NAV2: variants seen among roughly 807,000 people sequenced by gnomAD.
NAV2 encodes helicase, APC down-regulated 1.
Under a neutral mutation model 223.2 loss-of-function variants are expected in NAV2, and 54 were observed. The ratio of observed to expected loss-of-function variants is 0.24; its 90% CI spans 0.19 to 0.30. The LOEUF (loss-of-function observed/expected upper bound fraction) is 0.30, where lower values mean the gene tolerates loss of function less well. Among genes scored for constraint, NAV2 ranks in the 10% least tolerant of loss-of-function variants. The pLI is 1.00. For missense variants in NAV2, 2,806 were observed against 3,147.5 expected (o/e 0.89, Z 2.60); for synonymous variants, 1,279 against 1,239.3 (o/e 1.03, Z -0.67).
At chr11:19,793,492 A>G (rs532369078) in intron 1 of NAV2, among the ~76,000 whole-genome samples, 1 of 152,308 alleles carries the variant, frequency 6.6e-6, no homozygotes, top group South Asian at 2.1e-4. Context: ...CATGCCCAGC[A>G]CTAGCACTCT....
chr11:19,956,382 AC>A (rs1023168489), intron 10 of NAV2, among the ~76,000 whole-genome samples: 2 of 136,334 alleles, frequency 1.5e-5, no homozygotes, highest in Admixed American at 7.2e-5. Flanking sequence ...ACACACACAC[AC>A]ACACACACAC....
intron 1 of NAV2, among the ~76,000 whole-genome samples, chr11:19,773,353 G>T (rs906363528): frequency 1.3e-5 from 2 of 152,140 alleles, no homozygotes; most frequent in Admixed American, 1.3e-4. Context: ...CCCCACCAGG[G>T]GCTCCACAGT....
intron 32 of NAV2, among the ~76,000 whole-genome samples, chr11:20,102,373 G>A (rs920830566): frequency 1.7e-4 from 26 of 152,182 alleles, no homozygotes; most frequent in African/African-American, 6.0e-4. Flanking sequence ...AGACAGGCCA[G>A]TGTGGTGAAG....
intron 11 of NAV2, among the ~76,000 whole-genome samples, chr11:20,031,580 G>C (rs942993645): frequency 6.6e-6 from 1 of 152,186 alleles, no homozygotes; most frequent in Non-Finnish European, 1.5e-5. Flanking sequence ...CTGGCTTTCA[G>C]TATGGCTGGA....
At chr11:19,941,236 C>A (rs1422511742) in intron 8 of NAV2, among the ~76,000 whole-genome samples, 1 of 152,064 alleles carries the variant, frequency 6.6e-6, no homozygotes, top group Non-Finnish European at 1.5e-5. Flanking sequence ...CTGTACCAGG[C>A]CTTAAGAGCT....
intron 11 of NAV2, among the ~76,000 whole-genome samples, chr11:20,011,202 G>A (rs2053538101): frequency 6.6e-6 from 1 of 152,104 alleles, no homozygotes; most frequent in African/African-American, 2.4e-5. Flanking sequence ...GAGTTTTGGT[G>A]AGGTTTCTGT....
Position 19,418,506 on chromosome 11 carries a change from G to A in NAV2, c.75+67479G>A, listed in dbSNP as rs147066195. 6.6e-3 allele frequency among the ~76,000 whole-genome samples: 1,011 copies of A among 152,300 alleles called. 9 individuals are homozygous for A. The highest frequency in any genetic ancestry group is 8.5e-3 in the Non-Finnish European group (577 of 68,022). On this transcript the variant is annotated intron_variant, in intron 1 of 37. Transcript: ENST00000360655. Reference sequence around the variant, plus strand: ...TCTTATTCAAGGATGAACAGAATTTGGGAGATGAAGGACAGGGAAAAGGCA... The same window carrying A: ...TCTTATTCAAGGATGAACAGAATTTAGGAGATGAAGGACAGGGAAAAGGCA...
intron 11 of NAV2, among the ~76,000 whole-genome samples, chr11:20,015,709 A>G (rs2053946602): frequency 6.6e-6 from 1 of 152,208 alleles, no homozygotes; most frequent in Admixed American, 6.5e-5. Context: ...CCTGGCACAC[A>G]AAAGTCAATA....
intron 1 of NAV2, among the ~76,000 whole-genome samples, chr11:19,657,288 G>A (rs2048153674): frequency 6.6e-6 from 1 of 152,020 alleles, no homozygotes; most frequent in Non-Finnish European, 1.5e-5. Flanking sequence ...TGGGCATCCA[G>A]TTTGTGCCAG....
intron 1 of NAV2, among the ~76,000 whole-genome samples, chr11:19,531,921 A>G (rs749122770): frequency 2.3e-4 from 35 of 152,238 alleles, no homozygotes; most frequent in Non-Finnish European, 4.3e-4. Context: ...AATGGGATTT[A>G]GTAAGTTTGG....
intron 6 of NAV2, among the ~76,000 whole-genome samples, chr11:19,930,192 T>C (rs771109055): frequency 4.6e-5 from 7 of 152,154 alleles, no homozygotes; most frequent in African/African-American, 7.2e-5. Context: ...AAATGTCATG[T>C]GATATAAACC....
intron 1 of NAV2, among the ~76,000 whole-genome samples, chr11:19,574,238 T>C (rs545693439): frequency 4.6e-5 from 7 of 152,152 alleles, no homozygotes; most frequent in Non-Finnish European, 1.0e-4. Flanking sequence ...GTTGGGAAAA[T>C]ATATGCAATG....
chr11:19,709,267 G>C (rs1317295641), upstream of NAV2, among the ~76,000 whole-genome samples: 1 of 152,088 alleles, frequency 6.6e-6, no homozygotes, highest in Non-Finnish European at 1.5e-5. Flanking sequence ...ATAGGGCCAG[G>C]CACGGTGGCT....
intron 1 of NAV2, among the ~76,000 whole-genome samples, chr11:19,731,661 A>G (rs1430425840): frequency 6.6e-6 from 1 of 152,228 alleles, no homozygotes; most frequent in Non-Finnish European, 1.5e-5. Context: ...GAGATTTGAG[A>G]TGAAATCCTG....
chr11:20,075,089 T>C (rs564486648), intron 22 of NAV2, among the ~76,000 whole-genome samples: 1 of 152,344 alleles, frequency 6.6e-6, no homozygotes, highest in South Asian at 2.1e-4. Context: ...CTGGCCTGTT[T>C]CCTTTGTCAA....
chr11:20,036,457 C>G (rs900781850), intron 12 of NAV2, among the ~76,000 whole-genome samples: 8 of 152,184 alleles, frequency 5.3e-5, no homozygotes, highest in African/African-American at 1.9e-4. Flanking sequence ...TTATTTGCCG[C>G]AGCAAGCCAC....
intron 1 of NAV2, among the ~76,000 whole-genome samples, chr11:19,689,890 T>C (rs2049119581): frequency 6.6e-6 from 1 of 152,244 alleles, no homozygotes; most frequent in African/African-American, 2.4e-5. Flanking sequence ...CTGACTATCA[T>C]ATGAGAATCA....
chr11:19,988,686 C>T (rs995449845), intron 11 of NAV2, among the ~76,000 whole-genome samples: 3 of 152,162 alleles, frequency 2.0e-5, no homozygotes, highest in African/African-American at 4.8e-5. Flanking sequence ...AGAGGCGTCC[C>T]AGTTTCAGCT....
At position 19,634,123 on chromosome 11, in the gene NAV2, C is replaced by A. The variant is rs563015142; in HGVS notation, c.76-198361C>A. On this transcript the variant is annotated intron_variant, in intron 1 of 37. Coordinates refer to the NAV2 transcript ENST00000360655. Reference sequence around the variant, plus strand: ...CCAGAGCTCTGGCTTTGACACTGACCACCGTGGAGCAGGTTTGCTGCATAG... The same window carrying A: ...CCAGAGCTCTGGCTTTGACACTGACAACCGTGGAGCAGGTTTGCTGCATAG... 3.3e-5 allele frequency among the ~76,000 whole-genome samples: 5 copies of A among 152,344 alleles called. No individual in the cohort carries two copies. The East Asian group carries it at 9.6e-4, about 29-fold the overall frequency.
Sources: allele counts gnomAD v4.1 joint callset (sites outside exome capture counted in the v4.1 genomes callset), GRCh38; gene constraint gnomAD v4.1.1; transcripts MANE v1.5; gene names NCBI Gene and HGNC (gene_info 2026-07-23, HGNC 2026-07-21).